ZNF808: variants seen among roughly 807,000 people sequenced by gnomAD.
ZNF808 encodes zinc finger protein 808.
ZNF808 carries 5 observed loss-of-function variants against 8.7 expected under a neutral mutation model. The observed-to-expected ratio is 0.58, with a 90% CI of 0.30 to 1.21. The LOEUF (loss-of-function observed/expected upper bound fraction) is 1.21, where lower values mean the gene tolerates loss of function less well. Ranked by LOEUF, ZNF808 falls within the 50% of genes most tolerant of loss-of-function variation. The pLI, the probability that ZNF808 is intolerant of heterozygous loss-of-function variation, is 0.07. For missense variants in ZNF808, 1,103 were observed against 1,098.4 expected (o/e 1.00, Z -0.06); for synonymous variants, 380 against 366.0 (o/e 1.04, Z -0.44).
chr19:52,544,777 G>A (rs775718411), intron 3 of ZNF808, among the ~76,000 whole-genome samples: 6 of 152,076 alleles, frequency 3.9e-5, no homozygotes, highest in Non-Finnish European at 7.4e-5. Flanking sequence ...GAGACAGCCA[G>A]CTTGGCTGGA....
rs1384796808 is a variant in ZNF808 at position 52,546,908 on chromosome 19, C to G, written c.64-604C>G. Among the ~76,000 whole-genome samples the G allele has an allele frequency of 4.2e-5, 6 of 143,560 alleles. No homozygotes were observed. The East Asian group carries it at 1.2e-3, about 30-fold the overall frequency. 94.2% of individuals were successfully genotyped at this position (143,560 alleles called of 152,430 possible). A position where few individuals can be genotyped will look rare whatever the true frequency, so the allele number is the denominator to read the frequency against. ...CTACCTGCCTTGGTCTCCCAAAATG[C>G]TAGGATTACAGGCGAGAGCCATTGC... is the stretch of plus-strand genomic sequence containing the variant. On this transcript the variant is annotated intron_variant, in intron 3 of 4. Transcript: ENST00000359798.
downstream of ZNF808, among the ~76,000 whole-genome samples, chr19:52,567,483 T>TTTA (rs755196123): frequency 7.6e-6 from 1 of 130,858 alleles, no homozygotes; most frequent in East Asian, 2.2e-4. Context: ...TCCAGCTGTA[T>TTTA]TTTTTATTAT....
intron 1 of ZNF808, among the ~76,000 whole-genome samples, chr19:52,529,904 TA>T (rs1435402210): frequency 1.6e-4 from 20 of 121,952 alleles, no homozygotes; most frequent in African/African-American, 6.8e-4. Context: ...TATATATATA[TA>T]TATATATTTT....
chr19:52,536,607 A>C (rs2059614102), intron 2 of ZNF808, among the ~76,000 whole-genome samples: 1 of 152,070 alleles, frequency 6.6e-6, no homozygotes, highest in Non-Finnish European at 1.5e-5. Flanking sequence ...TTGTCCTATG[A>C]CACCGGGTAT....
At chr19:52,534,993 TG>T (rs1194450960) in intron 2 of ZNF808, among the ~76,000 whole-genome samples, 2 of 151,832 alleles carry the variant, frequency 1.3e-5, no homozygotes, top group African/African-American at 2.4e-5. Flanking sequence ...AGAATAATAT[TG>T]GATCTCTATG....
At chr19:52,539,997 A>G (rs1336799533) in intron 2 of ZNF808, among the ~76,000 whole-genome samples, 1 of 151,936 alleles carries the variant, frequency 6.6e-6, no homozygotes, top group Non-Finnish European at 1.5e-5. Flanking sequence ...GACACACCCC[A>G]CCAGGTCCGG....
chr19:52,538,067 A>G (rs942637105), intron 2 of ZNF808, among the ~76,000 whole-genome samples: 3 of 152,124 alleles, frequency 2.0e-5, no homozygotes, highest in South Asian at 2.1e-4. Context: ...CTGGAGTACA[A>G]TGGCGTTATC....
intron 2 of ZNF808, among the ~76,000 whole-genome samples, chr19:52,536,581 G>A (rs2059613741): frequency 6.6e-6 from 1 of 152,176 alleles, no homozygotes; most frequent in South Asian, 2.1e-4. Context: ...ACCAGCGTAG[G>A]GCAGGTCCCA....
rs2059832081 is a variant in ZNF808, at chr19:52,555,898, C to G, written c.*270C>G. 1.4e-6 allele frequency: 1 copy of G among 700,988 alleles called. No individual in the cohort carries two copies. Among genetic ancestry groups the G allele is most frequent in the Admixed American group, 1.9e-5 (1 of 53,368 alleles). 43.4% of individuals were successfully genotyped at this position (700,988 alleles called of 1,614,324 possible). ...CACAAGTGTGATGATTGTGGCAAAG[C>G]CTTTACTTCACATTCACACCTCGTT... On this transcript the variant is annotated 3_prime_UTR_variant, in exon 5 of 5. Transcript: ENST00000359798.
At chr19:52,544,903 C>T (rs1209541786) in intron 3 of ZNF808, among the ~76,000 whole-genome samples, 1 of 152,186 alleles carries the variant, frequency 6.6e-6, no homozygotes, top group Non-Finnish European at 1.5e-5. Context: ...TTTGCCTCAG[C>T]CTCCTGAGTA....
intron 3 of ZNF808, among the ~76,000 whole-genome samples, chr19:52,544,168 AAG>A (rs1004155853): frequency 2.0e-5 from 3 of 152,002 alleles, no homozygotes; most frequent in African/African-American, 7.3e-5. Flanking sequence ...CAAAAGAAAA[AAG>A]AGAGAGAGAG....
At chr19:52,537,901 T>A (rs150849567) in intron 2 of ZNF808, among the ~76,000 whole-genome samples, 59 of 152,304 alleles carry the variant, frequency 3.9e-4, no homozygotes, top group African/African-American at 1.3e-3. Context: ...TTGGAATCCC[T>A]ATTCAGACCG....
At chr19:52,545,082 T>A (rs1291843039) in intron 3 of ZNF808, among the ~76,000 whole-genome samples, 2 of 152,222 alleles carry the variant, frequency 1.3e-5, no homozygotes, top group Admixed American at 1.3e-4. Context: ...TGCACTTGGC[T>A]AAAGTCTGCA....
chr19:52,538,628 C>CAAAAA (rs1321457621), intron 2 of ZNF808, among the ~76,000 whole-genome samples: 1 of 76,374 alleles, frequency 1.3e-5, no homozygotes. Flanking sequence ...AACTCTGTCT[C>CAAAAA]AAAAAAACCA....
At chr19:52,565,315 A>G (rs1477725160), downstream of ZNF808, among the ~76,000 whole-genome samples, 1 of 152,180 alleles carries the variant, frequency 6.6e-6, no homozygotes, top group Non-Finnish European at 1.5e-5. Flanking sequence ...TCAAAGCATT[A>G]TGTCTGTCAC....
intron 3 of ZNF808, among the ~76,000 whole-genome samples, chr19:52,545,608 T>G (rs2059712886): frequency 6.6e-6 from 1 of 152,074 alleles, no homozygotes; most frequent in South Asian, 2.1e-4. Flanking sequence ...TGAAACCCTG[T>G]CGCTGCTAAA....
Position 52,553,860 on chromosome 19 carries a change from A to G in ZNF808, c.944A>G (p.Tyr315Cys), listed in dbSNP as rs2059803686. ...AGACTTCATACTGGAGTAAAACCTT[A>G]CAAGTGTAATGAGTGTGGCAAGGTC... is the stretch of plus-strand genomic sequence containing the variant. ...HHRLHTGVKP[Y>C]KCNECGKVFR... Residue 315 changes from tyrosine (Y) to cysteine (C), a missense_variant, in exon 5 of 5, where the codon TAC (tyrosine) becomes TGC (cysteine). Physicochemically the swap from Tyr to Cys is radical, Grantham distance 194 (BLOSUM62 -2). Transcript: ENST00000359798. The G allele has an allele frequency of 6.2e-7, 1 of 1,614,070 alleles. No individual in the cohort carries two copies. Among genetic ancestry groups the G allele is most frequent in the South Asian group, 1.1e-5 (1 of 91,084 alleles).
Position 52,544,390 on chromosome 19 carries a change from G to T in ZNF808, c.63+1043G>T, listed in dbSNP as rs1173131839. Among the ~76,000 whole-genome samples, 5 of 151,746 alleles carry T rather than the reference G, an allele frequency of 3.3e-5. No homozygotes were observed. In the East Asian group the frequency reaches 9.7e-4, roughly 29 times the overall value. On this transcript the variant is annotated intron_variant, in intron 3 of 4. Transcript: ENST00000359798. ...CAGTCAGCAAAGCTGGAGCGCAGTG[G>T]TACGATCTCGGCTCTCTGCAACCTC...
At chr19:52,550,069 G>A (rs188596399) in intron 4 of ZNF808, among the ~76,000 whole-genome samples, 109 of 152,264 alleles carry the variant, frequency 7.2e-4, no homozygotes, top group African/African-American at 2.5e-3. Context: ...TGTACTGCCT[G>A]TGCTGACTAT....
Sources: gnomAD v4.1 joint callset for allele counts (sites outside exome capture counted in the v4.1 genomes callset) on GRCh38, gnomAD v4.1.1 for gene constraint, MANE v1.5 for transcripts, NCBI Gene and HGNC (gene_info 2026-07-23, HGNC 2026-07-21) for gene names.